SYNPO2: variants seen among roughly 807,000 people sequenced by gnomAD.
SYNPO2 encodes the protein synaptopodin-2.
In SYNPO2, 56 loss-of-function variants were observed where a neutral mutation model predicts 85.0. The observed-to-expected ratio is 0.66, with a 90% confidence interval of 0.53 to 0.82. SYNPO2 has a LOEUF of 0.82. Among genes scored for constraint, SYNPO2 ranks in the 40% least tolerant of loss-of-function variants. The pLI is 0.00. For missense variants in SYNPO2, 1,575 were observed against 1,534.2 expected, an observed-to-expected ratio of 1.03 and a Z score of -0.44; for synonymous variants, 602 against 591.1, an observed-to-expected ratio of 1.02 and a Z score of -0.27.
intron 4 of SYNPO2, chr4:119,035,276 G>T (rs916489613): frequency 1.0e-6 from 1 of 985,360 alleles, no homozygotes; most frequent in Non-Finnish European, 1.2e-6. Context: ...TCTGCATAAC[G>T]CTTGGGATTC....
intron 1 of SYNPO2, among the ~76,000 whole-genome samples, chr4:118,993,515 A>C (rs2061443): frequency 0.36 from 55,179 of 152,094 alleles, 10,127 homozygotes; most frequent in Admixed American, 0.41. Context: ...GTTTCAACAT[A>C]TCACCACTCA....
Position 119,031,225 on chromosome 4 carries a change from G to C in SYNPO2, c.2450G>C (p.Arg817Pro). Residue 817 changes from arginine to proline, a missense_variant, in exon 4 of 5, where the codon CGG (arginine) becomes CCG (proline). Arg to Pro is a moderately radical substitution (Grantham distance 103). This residue lies in a region of SYNPO2 where 1,508 missense variants were observed against 1,446.8 expected (regional missense o/e 1.04). Coordinates refer to ENST00000307142, the MANE Select transcript of SYNPO2 (RefSeq NM_133477.3). ...GCCCAGCCTTCTTACCCTCCTGCCCGGCCTGCAAGTACTTTGAACGTGGCT... is the reference window on the plus strand; with the variant it reads ...GCCCAGCCTTCTTACCCTCCTGCCCCGCCTGCAAGTACTTTGAACGTGGCT... ...KIAQPSYPPA[R>P]PASTLNVAGP... is the part of the protein sequence containing the mutation. The C allele has an allele frequency of 3.1e-6, 5 of 1,614,004 alleles. No homozygotes were observed. In the South Asian group the frequency reaches 3.3e-5, roughly 11 times the overall value.
chr4:118,858,047 C>T (rs964360168), intron 1 of SYNPO2, among the ~76,000 whole-genome samples: 8 of 152,144 alleles, frequency 5.3e-5, no homozygotes, highest in Non-Finnish European at 8.8e-5. Context: ...CTTGATTCTA[C>T]GTTGGTTCTC....
intron 1 of SYNPO2, among the ~76,000 whole-genome samples, chr4:118,941,872 T>C (rs1379627932): frequency 6.6e-6 from 1 of 152,218 alleles, no homozygotes; most frequent in Non-Finnish European, 1.5e-5. Context: ...TTTACTGTGT[T>C]TTCCGTAGGA....
In SYNPO2 at chr4:118,911,139, A is replaced by G. The variant is rs915241027; in HGVS notation, c.105+21998A>G. On this transcript the variant is annotated intron_variant, in intron 1 of 4. Transcript: ENST00000307142. ...AGATCTATCCTGGATTTTCCTATTT[A>G]TTGTCTGTCCTTTAGTCCTCGGATG... 2.6e-5 allele frequency among the ~76,000 whole-genome samples: 4 copies of G among 152,128 alleles called. 1 individual carries two copies. Among genetic ancestry groups the G allele is most frequent in the Non-Finnish European group, 5.9e-5 (4 of 68,030 alleles).
chr4:118,922,914 G>A (rs1280308563), intron 1 of SYNPO2, among the ~76,000 whole-genome samples: 3 of 151,996 alleles, frequency 2.0e-5, no homozygotes, highest in Admixed American at 6.6e-5. Context: ...GTATAGTTTA[G>A]CCATATTTGG....
intron 1 of SYNPO2, among the ~76,000 whole-genome samples, chr4:119,018,803 G>C (rs1473172894): frequency 2.6e-5 from 4 of 152,110 alleles, no homozygotes; most frequent in Non-Finnish European, 5.9e-5. Context: ...CTAAAAGAGT[G>C]CAATTGAAAT....
At chr4:118,982,376 G>A (rs1736059382) in intron 1 of SYNPO2, among the ~76,000 whole-genome samples, 1 of 152,158 alleles carries the variant, frequency 6.6e-6, no homozygotes, top group Non-Finnish European at 1.5e-5. Flanking sequence ...AACCCTCTCG[G>A]ATGCACATAG....
intron 1 of SYNPO2, among the ~76,000 whole-genome samples, chr4:118,882,951 C>T (rs1443648702): frequency 2.0e-5 from 3 of 151,766 alleles, no homozygotes; most frequent in South Asian, 2.1e-4. Context: ...TTTAGTGAGA[C>T]GGGGTTTCAC....
intron 1 of SYNPO2, among the ~76,000 whole-genome samples, chr4:118,916,756 A>G (rs1442720106): frequency 7.8e-6 from 1 of 128,968 alleles, no homozygotes; most frequent in Non-Finnish European, 1.6e-5. Flanking sequence ...TTCTAGAAAC[A>G]GGGTCTTACT....
At chr4:118,877,971 A>C (rs1190629566) in intron 1 of SYNPO2, among the ~76,000 whole-genome samples, 1 of 152,244 alleles carries the variant, frequency 6.6e-6, no homozygotes, top group Non-Finnish European at 1.5e-5. Context: ...ATGCCCGTCA[A>C]CATTAGACTG....
chr4:118,972,315 G>A (rs1432700508), intron 1 of SYNPO2, among the ~76,000 whole-genome samples: 3 of 151,914 alleles, frequency 2.0e-5, no homozygotes, highest in South Asian at 2.1e-4. Context: ...GTAGTGGTGC[G>A]TGCCTGTAGT....
At chr4:118,914,196 A>T (rs1733234825) in intron 1 of SYNPO2, among the ~76,000 whole-genome samples, 1 of 151,958 alleles carries the variant, frequency 6.6e-6, no homozygotes, top group Non-Finnish European at 1.5e-5. Flanking sequence ...GCAATTATAG[A>T]AAAAAATAAA....
chr4:118,990,350 G>C (rs1736370154), intron 1 of SYNPO2, among the ~76,000 whole-genome samples: 1 of 152,194 alleles, frequency 6.6e-6, no homozygotes, highest in Non-Finnish European at 1.5e-5. Context: ...AAAAGGAGGA[G>C]AGACTTCTCC....
intron 4 of SYNPO2, chr4:119,034,196 T>A (rs1351007410): frequency 1.0e-6 from 1 of 985,352 alleles, no homozygotes; most frequent in Non-Finnish European, 1.2e-6. Flanking sequence ...AAAGGCTTCT[T>A]ATGGTGCAGC....
At chr4:119,016,033 C>T (rs1157242192) in intron 1 of SYNPO2, among the ~76,000 whole-genome samples, 1 of 152,144 alleles carries the variant, frequency 6.6e-6, no homozygotes, top group Non-Finnish European at 1.5e-5. Flanking sequence ...ATGAAATAGA[C>T]TGAGGATAGG....
chr4:119,019,807 C>A (rs1204616567), intron 1 of SYNPO2, among the ~76,000 whole-genome samples: 1 of 152,180 alleles, frequency 6.6e-6, no homozygotes, highest in Non-Finnish European at 1.5e-5. Context: ...CTTGTTCCCT[C>A]AGAGTTGGTA....
At chr4:118,933,517 T>C (rs1733996696) in intron 1 of SYNPO2, among the ~76,000 whole-genome samples, 1 of 152,192 alleles carries the variant, frequency 6.6e-6, no homozygotes, top group Non-Finnish European at 1.5e-5. Flanking sequence ...AGCCTCAGTA[T>C]ATGTTTGTAG....
intron 1 of SYNPO2, among the ~76,000 whole-genome samples, chr4:118,880,103 C>A (rs1011599850): frequency 4.6e-5 from 7 of 152,140 alleles, no homozygotes; most frequent in African/African-American, 7.2e-5. Flanking sequence ...CCTTCTTTTC[C>A]TGCTCAGCAA....
Sources: allele counts gnomAD v4.1 joint callset (sites outside exome capture counted in the v4.1 genomes callset), GRCh38; gene constraint gnomAD v4.1.1; regional missense constraint gnomAD v4.1.1; transcripts MANE v1.5; gene names NCBI Gene and HGNC (gene_info 2026-07-23, HGNC 2026-07-21).